The following HPSE2 variants were observed in gnomAD, a reference collection of about 807,000 sequenced individuals.
HPSE2 encodes the protein inactive heparanase-2.
Under a neutral mutation model 60.5 loss-of-function variants are expected in HPSE2, and 38 were observed. The ratio of observed to expected loss-of-function variants is 0.63; its 90% CI spans 0.48 to 0.82. The LOEUF (loss-of-function observed/expected upper bound fraction) is 0.82, where lower values mean the gene tolerates loss of function less well. Among genes scored for constraint, HPSE2 ranks in the 40% least tolerant of loss-of-function variants. HPSE2 has a pLI of 0.00. For missense variants in HPSE2, 713 were observed against 740.4 expected (o/e 0.96, Z 0.43); for synonymous variants, 295 against 293.2 (o/e 1.01, Z -0.06).
At chr10:98,520,365 G>C (rs1479969093) in intron 9 of HPSE2, among the ~76,000 whole-genome samples, 14 of 152,222 alleles carry the variant, frequency 9.2e-5, no homozygotes, top group Admixed American at 6.5e-4. Flanking sequence ...GAGCAGTTCA[G>C]ATGCTAGACA....
chr10:98,874,969 C>T (rs886841111), intron 3 of HPSE2, among the ~76,000 whole-genome samples: 12 of 151,802 alleles, frequency 7.9e-5, no homozygotes, highest in Non-Finnish European at 1.8e-4. Context: ...CTGACTTGAT[C>T]GTGGTGGATA....
At chr10:98,944,744 T>C (rs995285698) in intron 3 of HPSE2, among the ~76,000 whole-genome samples, 5 of 152,142 alleles carry the variant, frequency 3.3e-5, no homozygotes, top group Non-Finnish European at 7.4e-5. Flanking sequence ...TTAGCTTAAG[T>C]AACAAGTATC....
chr10:99,019,206 T>C (rs1328918359), intron 3 of HPSE2, among the ~76,000 whole-genome samples: 2 of 152,150 alleles, frequency 1.3e-5, no homozygotes, highest in African/African-American at 2.4e-5. Flanking sequence ...CAGCCTGCAA[T>C]TGTGAAGTTT....
At chr10:98,691,890 G>C (rs1308711997) in intron 6 of HPSE2, among the ~76,000 whole-genome samples, 1 of 151,990 alleles carries the variant, frequency 6.6e-6, no homozygotes, top group African/African-American at 2.4e-5. Flanking sequence ...AACAGTTCCT[G>C]GTACATTGTT....
chr10:99,118,997 C>G (rs1235766615), intron 3 of HPSE2, among the ~76,000 whole-genome samples: 1 of 139,556 alleles, frequency 7.2e-6, no homozygotes, highest in East Asian at 2.1e-4. Context: ...GCCTGGATGA[C>G]AGAACAAAAT....
At chr10:98,493,714 T>C (rs1288274468) in intron 9 of HPSE2, among the ~76,000 whole-genome samples, 1 of 152,116 alleles carries the variant, frequency 6.6e-6, no homozygotes, top group Admixed American at 6.5e-5. Context: ...CAGCATAGAG[T>C]TGGATCCTGT....
At chr10:99,289,663 T>C in the HPSE2 span, among the ~76,000 whole-genome samples, 20 of 152,322 alleles carry the variant, frequency 1.3e-4, no homozygotes, top group African/African-American at 4.6e-4. Flanking sequence ...ATTTTCTTTT[T>C]CTTCAACTTA....
At chr10:98,751,747 C>A (rs1388784795) in intron 3 of HPSE2, among the ~76,000 whole-genome samples, 2 of 152,204 alleles carry the variant, frequency 1.3e-5, no homozygotes, top group African/African-American at 2.4e-5. Flanking sequence ...CTGAGAACAG[C>A]TTCCCCATAG....
chr10:98,690,808 G>A (rs889606569), intron 6 of HPSE2, among the ~76,000 whole-genome samples: 2 of 151,924 alleles, frequency 1.3e-5, no homozygotes, highest in African/African-American at 4.8e-5. Flanking sequence ...AAATGGGTTG[G>A]TGGGCAGGAC....
intron 11 of HPSE2, among the ~76,000 whole-genome samples, chr10:98,462,518 C>G (rs1940339730): frequency 6.6e-6 from 1 of 152,162 alleles, no homozygotes; most frequent in Non-Finnish European, 1.5e-5. Context: ...TGGACAGATG[C>G]ACTTGTTGGT....
rs1429153212 is a variant in HPSE2 at position 99,169,174 on chromosome 10, CAG to C, written c.449-24777_449-24776del. On this transcript the variant is annotated intron_variant, in intron 2 of 11. Transcript: ENST00000370552. Reference sequence around the variant, plus strand: ...CGCCACTGCACTCCAGCCTAGGCGACAGAGCAAGACTCCGTCTCAAAAAAAAA... The same window carrying C: ...CGCCACTGCACTCCAGCCTAGGCGACAGCAAGACTCCGTCTCAAAAAAAAA... 4.7e-4 allele frequency among the ~76,000 whole-genome samples: 59 copies of C among 126,630 alleles called. No homozygotes were observed. The Middle Eastern group carries it at 0.026, about 56-fold the overall frequency. 83.1% of individuals were successfully genotyped at this position (126,630 alleles called of 152,430 possible).
intron 2 of HPSE2, among the ~76,000 whole-genome samples, chr10:99,207,181 G>C (rs781611889): frequency 6.6e-6 from 1 of 152,068 alleles, no homozygotes; most frequent in Non-Finnish European, 1.5e-5. Context: ...ACATATAAGG[G>C]AGTTATAATA....
In HPSE2 at chr10:98,823,745, AG is replaced by A. The variant is rs566908084; in HGVS notation, c.611-79690del. ...TATAGCCTCAAAAATGCATTAAAAA[AG>A]AAAACAGCATACATAAACAAGTACA... On this transcript the variant is annotated intron_variant, in intron 3 of 11. Transcript: ENST00000370552. Among the ~76,000 whole-genome samples, 40 of 150,854 alleles carry A rather than the reference AG, an allele frequency of 2.7e-4. No individual in the cohort carries two copies. The South Asian group carries it at 7.9e-3, about 30-fold the overall frequency.
chr10:99,012,001 T>C (rs1156755444), intron 3 of HPSE2, among the ~76,000 whole-genome samples: 26 of 151,910 alleles, frequency 1.7e-4, no homozygotes, highest in African/African-American at 5.3e-4. Context: ...ACTTTGCAAA[T>C]TAAAGAATTA....
At chr10:98,795,462 A>G (rs1357970899) in intron 3 of HPSE2, among the ~76,000 whole-genome samples, 1 of 152,208 alleles carries the variant, frequency 6.6e-6, no homozygotes, top group Non-Finnish European at 1.5e-5. Context: ...GTGCCTGTGC[A>G]TGGAGGGAGC....
chr10:98,490,195 T>A lies in HPSE2; in HGVS notation c.1322A>T (p.Asp441Val). The change falls in exon 10 of 12, where the codon GAC becomes GTC. Residue 441 changes from aspartate to valine, a missense_variant and splice_region_variant. Asp to Val is a radical substitution (Grantham distance 152, BLOSUM62 -3). Coordinates refer to ENST00000370552, the MANE Select transcript of HPSE2 (RefSeq NM_021828.5). Reference protein sequence around the residue: ...LVDQNFNPLPDYWLSLLYKRL... With the variant: ...LVDQNFNPLPVYWLSLLYKRL... ...CTTGTAGAGGAGAGAGAGCCAGTAG[T>A]CCTGAGGAGAATAGAGAGGGAGAGG... 6.2e-7 allele frequency: 1 copy of A among 1,613,922 alleles called. No homozygotes were observed. Among genetic ancestry groups the A allele is most frequent in the East Asian group, 2.2e-5 (1 of 44,864 alleles).
At chr10:98,901,077 T>C (rs1166540552) in intron 3 of HPSE2, among the ~76,000 whole-genome samples, 1 of 152,154 alleles carries the variant, frequency 6.6e-6, no homozygotes, top group Non-Finnish European at 1.5e-5. Context: ...TCAGAGTTAC[T>C]GTGCTGAGCA....
chr10:99,232,371 T>C lies in HPSE2; in HGVS notation c.425A>G (p.Tyr142Cys). The C allele has an allele frequency of 6.4e-7, 1 of 1,551,504 alleles. No individual in the cohort carries two copies. Among genetic ancestry groups the C allele is most frequent in the Non-Finnish European group, 8.7e-7 (1 of 1,146,906 alleles). ...ACCATCCTCATAGTTTTTGAGATAG[T>C]AATCCGGGCCCGGGCCCCCGCGGCT... ...AKSRGGPGPD[Y>C]YLKNYEDDIV... Residue 142 changes from tyrosine to cysteine, a missense_variant, in exon 2 of 12, where the codon TAC (tyrosine) becomes TGC (cysteine). Transcript: ENST00000370552.
At position 98,627,964 on chromosome 10, in the gene HPSE2, T is replaced by C. The variant is rs1946260963; in HGVS notation, c.1099-7256A>G. On this transcript the variant is annotated intron_variant, in intron 7 of 11. Transcript: ENST00000370552. ...AAACATAATTATCATTCAGAGTAGTTCATTTATCCATTCTCAGCACAGGGG... is the reference window on the plus strand; with the variant it reads ...AAACATAATTATCATTCAGAGTAGTCCATTTATCCATTCTCAGCACAGGGG... Among the ~76,000 whole-genome samples the C allele has an allele frequency of 3.3e-5, 5 of 152,346 alleles. No individual in the cohort carries two copies. In the South Asian group the frequency reaches 1.0e-3, roughly 32 times the overall value.
Sources: gnomAD v4.1 joint callset for allele counts (sites outside exome capture counted in the v4.1 genomes callset) on GRCh38, gnomAD v4.1.1 for gene constraint, MANE v1.5 for transcripts, NCBI Gene and HGNC (gene_info 2026-07-23, HGNC 2026-07-21) for gene names.